The following IL17RC variants were observed in gnomAD, a reference collection of about 807,000 sequenced individuals.
IL17RC encodes the protein interleukin-17 receptor C.
Under a neutral mutation model 86.7 loss-of-function variants are expected in IL17RC, and 53 were observed. That is an observed-to-expected ratio of 0.61 (90% CI 0.49 to 0.77). The LOEUF is 0.77. Among genes scored for constraint, IL17RC ranks in the 30% least tolerant of loss-of-function variants. IL17RC has a pLI of 0.00. For synonymous variants in IL17RC, 439 were observed against 413.1 expected, an observed-to-expected ratio of 1.06 and a Z score of -0.76; for missense variants, 957 against 940.0, an observed-to-expected ratio of 1.02 and a Z score of -0.24.
At chr3:9,917,812 T>C (rs561835622) in intron 2 of IL17RC, 78 bp downstream of exon 2, 7 of 1,606,960 alleles carry the variant, frequency 4.4e-6, no homozygotes, top group Non-Finnish European at 6.0e-6. Context: ...ATGCCCTCCA[T>C]GCCCACCTCA....
chr3:9,931,443 T>C (rs954530008), intron 16 of IL17RC, among the ~76,000 whole-genome samples: 1 of 136,104 alleles, frequency 7.3e-6, no homozygotes, highest in African/African-American at 3.3e-5. Context: ...CGATCAAATT[T>C]TTATATATTT....
intron 9 of IL17RC, among the ~76,000 whole-genome samples, chr3:9,925,863 T>TAA (rs1186387830): frequency 8.0e-5 from 12 of 149,356 alleles, no homozygotes; most frequent in Non-Finnish European, 1.3e-4. Context: ...TTCTTAAATT[T>TAA]TTTTTTTTTT....
intron 12 of IL17RC, chr3:9,928,972 T>G: frequency 7.5e-6 from 2 of 265,096 alleles, no homozygotes; most frequent in East Asian, 7.8e-5. Context: ...TCTATTTCCA[T>G]ACCTGTAGAA....
chr3:9,932,496 G>A, intron 16 of IL17RC, 112 bp from the exon 17 acceptor site: 1 of 974,346 alleles, frequency 1.0e-6, no homozygotes, highest in Non-Finnish European at 1.7e-6. Flanking sequence ...GAAGTGCTGG[G>A]ATTATATAAA....
intron 9 of IL17RC, among the ~76,000 whole-genome samples, chr3:9,926,910 G>A (rs1429792512): frequency 2.0e-5 from 3 of 152,148 alleles, no homozygotes; most frequent in Admixed American, 6.6e-5. Context: ...GTGAGCCACC[G>A]CGCCCAGCCT....
At chr3:9,927,978 T>C (rs1008146312) in intron 9 of IL17RC, among the ~76,000 whole-genome samples, 188 bp from the exon 10 acceptor site, 1 of 151,120 alleles carries the variant, frequency 6.6e-6, no homozygotes, top group African/African-American at 2.4e-5. Context: ...TTAATGAAGA[T>C]GTTGCCAGTG....
intron 9 of IL17RC, among the ~76,000 whole-genome samples, chr3:9,927,899 A>C (rs2084239870): frequency 6.6e-6 from 1 of 152,014 alleles, no homozygotes; most frequent in Admixed American, 6.6e-5. Flanking sequence ...TAGTGAGCCA[A>C]GATTGCACCA....
intron 17 of IL17RC, 34 bp downstream of exon 17, chr3:9,932,737 G>A (rs760901069): frequency 1.2e-6 from 2 of 1,612,380 alleles, no homozygotes; most frequent in South Asian, 1.1e-5. Context: ...TCCCCTGGGG[G>A]AGGACCAGAG....
chr3:9,929,303 G>C (rs1201315995), intron 12 of IL17RC: 1 of 155,350 alleles, frequency 6.4e-6, no homozygotes, highest in Non-Finnish European at 1.4e-5. Flanking sequence ...GACAGAGTGA[G>C]ACTGGGCGAC....
rs1468378991 is a variant in IL17RC at position 9,923,871 on chromosome 3, C to T, written c.623-10C>T. ...AGTCTAAGCTGCGCTCTCTTTGCCT[C>T]TCCCACCAGCCCTGCCCTGGCTCAA... is the stretch of plus-strand genomic sequence containing the variant. On this transcript the variant is annotated splice_polypyrimidine_tract_variant and intron_variant, in intron 7 of 18. Transcript: ENST00000403601. The T allele has an allele frequency of 2.5e-6, 4 of 1,613,728 alleles. No individual in the cohort carries two copies. The highest frequency in any genetic ancestry group is 1.7e-5 in the Admixed American group (1 of 60,004).
In IL17RC at chr3:9,924,271, G is replaced by A. The variant is rs748137602; in HGVS notation, c.802G>A (p.Val268Ile). 1.9e-6 allele frequency: 3 copies of A among 1,613,912 alleles called. No homozygotes were observed. Among genetic ancestry groups the A allele is most frequent in the African/African-American group, 2.7e-5 (2 of 74,864 alleles). ...QIITLNHTDL[V>I]PCLCIQVWPL... ...CATTACCTTGAACCACACAGACCTG[G>A]TTCCCTGCCTCTGTATTCAGGTAGG... Residue 268 changes from valine (V) to isoleucine (I), a missense_variant, in exon 9 of 19, where the codon GTT becomes ATT. Physicochemically the swap from Val to Ile is conservative, Grantham distance 29 (BLOSUM62 3). Transcript: ENST00000403601.
At chr3:9,929,999 T>G (rs1254630692) in intron 13 of IL17RC, 29 bp from the exon 14 acceptor site, 1 of 1,613,728 alleles carries the variant, frequency 6.2e-7, no homozygotes, top group African/African-American at 1.3e-5. Flanking sequence ...GGATGGGTCT[T>G]GGTCAGAGTG....
At position 9,917,438 on chromosome 3, in the gene IL17RC, G is replaced by C. The variant is rs763231993; in HGVS notation, c.105+18G>C. On this transcript the variant is annotated intron_variant, in intron 1 of 18. Transcript: ENST00000403601. ...GCTCTCCGGTGAGTCTGGAACCCTGGGGAGACGAGGAAAGGCTCAGGGTTC... is the reference window on the plus strand; with the variant it reads ...GCTCTCCGGTGAGTCTGGAACCCTGCGGAGACGAGGAAAGGCTCAGGGTTC... 3.7e-6 allele frequency: 6 copies of C among 1,614,214 alleles called. No homozygotes were observed. Among genetic ancestry groups the C allele is most frequent in the East Asian group, 2.2e-5 (1 of 44,872 alleles).
At chr3:9,928,139 C>T in intron 9 of IL17RC, 27 bp from the exon 10 acceptor site, 1 of 1,612,632 alleles carries the variant, frequency 6.2e-7, no homozygotes, top group Non-Finnish European at 8.5e-7. Flanking sequence ...TGGAGGGGAC[C>T]TGAGCAGACC....
At chr3:9,921,984 GCT>G (rs1193247184) in intron 7 of IL17RC, among the ~76,000 whole-genome samples, 2 of 103,932 alleles carry the variant, frequency 1.9e-5, no homozygotes, top group Non-Finnish European at 3.6e-5. Flanking sequence ...GCGGAATCTT[GCT>G]CTGTCGCCTA....
chr3:9,918,993 T>C (rs2083328941), intron 5 of IL17RC: 1 of 160,142 alleles, frequency 6.2e-6, no homozygotes, highest in Admixed American at 6.4e-5. Flanking sequence ...TTCCCATCTT[T>C]GCCAACACTT....
chr3:9,928,481 G>A lies in IL17RC; in HGVS notation c.1054G>A (p.Val352Met). Residue 352 changes from valine (V) to methionine (M), a missense_variant, in exon 11 of 19, where the codon GTG (valine) becomes ATG (methionine). Val to Met is a conservative substitution (Grantham distance 21). Transcript: ENST00000403601. ...ACCGCTTTCCTGGGAGAACGTCACT[G>A]TGGACGTAAGTGAAGCAGAGGGCAC... is the stretch of plus-strand genomic sequence containing the variant. ...VPPLSWENVT[V>M]DKVLEFPLLK... 1 of 1,611,906 alleles carries A rather than the reference G, an allele frequency of 6.2e-7. No homozygotes were observed. Among genetic ancestry groups the A allele is most frequent in the Non-Finnish European group, 8.5e-7 (1 of 1,179,800 alleles).
At chr3:9,922,594 C>CA (rs923653941) in intron 7 of IL17RC, among the ~76,000 whole-genome samples, 1 of 152,146 alleles carries the variant, frequency 6.6e-6, no homozygotes, top group African/African-American at 2.4e-5. Flanking sequence ...ATGAAGATGA[C>CA]AAAAAACCCG....
chr3:9,928,188 C>T lies in IL17RC; in HGVS notation c.845C>T (p.Ser282Phe), dbSNP rs1575582714. The T allele has an allele frequency of 2.5e-6, 4 of 1,614,062 alleles. No individual in the cohort carries two copies. Among genetic ancestry groups the T allele is most frequent in the African/African-American group, 1.3e-5 (1 of 74,938 alleles). ...CAGGTGTGGCCTCTGGAACCTGACTCCGTTAGGACGAACATCTGCCCCTTC... is the reference window on the plus strand; with the variant it reads ...CAGGTGTGGCCTCTGGAACCTGACTTCGTTAGGACGAACATCTGCCCCTTC... Reference protein sequence around the residue: ...CIQVWPLEPDSVRTNICPFRE... With the variant: ...CIQVWPLEPDFVRTNICPFRE... Residue 282 changes from serine to phenylalanine, a missense_variant, in exon 10 of 19, where the codon TCC (serine) becomes TTC (phenylalanine). Coordinates refer to ENST00000403601, the MANE Select transcript of IL17RC (RefSeq NM_153460.4).
Sources: allele counts gnomAD v4.1 joint callset (sites outside exome capture counted in the v4.1 genomes callset), GRCh38; gene constraint gnomAD v4.1.1; transcripts MANE v1.5; gene names NCBI Gene and HGNC (gene_info 2026-07-23, HGNC 2026-07-21).